TIMP3: variants seen among roughly 807,000 people sequenced by gnomAD.
TIMP3 encodes metalloproteinase inhibitor 3.
A neutral mutation model predicts 30.0 loss-of-function variants in TIMP3; 11 were observed. The ratio of observed to expected loss-of-function variants is 0.37; its 90% CI spans 0.23 to 0.61. The LOEUF (loss-of-function observed/expected upper bound fraction) is 0.61. Among genes scored for constraint, TIMP3 ranks in the 20% least tolerant of loss-of-function variants. The pLI is 0.70. For synonymous variants in TIMP3, 112 were observed against 111.3 expected, an observed-to-expected ratio of 1.01 and a Z score of -0.04; for missense variants, 181 against 276.8, an observed-to-expected ratio of 0.65 and a Z score of 2.45.
At chr22:32,847,015 C>G (rs1281940764) in intron 1 of TIMP3, among the ~76,000 whole-genome samples, 1 of 152,198 alleles carries the variant, frequency 6.6e-6, no homozygotes, top group Non-Finnish European at 1.5e-5. Context: ...CTGTCTAAAT[C>G]AAGTCAAGCC....
intron 3 of TIMP3, among the ~76,000 whole-genome samples, chr22:32,857,666 C>T (rs1043633007): frequency 5.9e-5 from 9 of 152,084 alleles, no homozygotes; most frequent in Non-Finnish European, 7.3e-5. Flanking sequence ...CCTGTTAGGC[C>T]CGTCTTTGAA....
Position 32,861,324 on chromosome 22 carries a change from C to T in TIMP3, c.*1947C>T, listed in dbSNP as rs936029872. The T allele has an allele frequency of 6.6e-6, 1 of 152,270 alleles. No homozygotes were observed. Among genetic ancestry groups the T allele is most frequent in the African/African-American group, 2.4e-5 (1 of 41,444 alleles). The allele number at this position is 152,270 out of a possible 1,614,324, so 9.4% of individuals were successfully genotyped here. On this transcript the variant is annotated 3_prime_UTR_variant, in exon 5 of 5. Transcript: ENST00000266085. ...CAATTTCATTACCGTGTACCTTTCC[C>T]ATTGTGGTCATGCCATTTGGCAGGG... is the stretch of plus-strand genomic sequence containing the variant.
At chr22:32,834,135 T>C (rs2047660301) in intron 1 of TIMP3, among the ~76,000 whole-genome samples, 1 of 151,992 alleles carries the variant, frequency 6.6e-6, no homozygotes, top group Non-Finnish European at 1.5e-5. Context: ...GGAGGTGTGC[T>C]TCAGGGACTA....
At chr22:32,825,505 A>C (rs2146090602) in intron 1 of TIMP3, among the ~76,000 whole-genome samples, 1 of 151,900 alleles carries the variant, frequency 6.6e-6, no homozygotes, top group East Asian at 1.9e-4. Flanking sequence ...CTAAAAATAC[A>C]AAAATTAGCT....
chr22:32,805,668 C>A (rs130269), intron 1 of TIMP3, among the ~76,000 whole-genome samples: 1 of 149,548 alleles, frequency 6.7e-6, no homozygotes, highest in Non-Finnish European at 1.5e-5. Context: ...GTATTGCACC[C>A]ATTTTTCAGA....
chr22:32,817,217 CAA>C (rs130285), intron 1 of TIMP3, among the ~76,000 whole-genome samples: 25 of 144,716 alleles, frequency 1.7e-4, no homozygotes, highest in East Asian at 8.0e-4. Context: ...GACTCTATCT[CAA>C]AAAAAAAAAA....
chr22:32,807,511 C>T (rs2046797065), intron 1 of TIMP3, among the ~76,000 whole-genome samples: 1 of 144,842 alleles, frequency 6.9e-6, no homozygotes, highest in Non-Finnish European at 1.5e-5. Context: ...TACTATGTGC[C>T]AGGCATTATT....
Position 32,804,246 on chromosome 22 carries a change from T to C in TIMP3, c.121+2124T>C, listed in dbSNP as rs552120272. 2.6e-5 allele frequency among the ~76,000 whole-genome samples: 4 copies of C among 152,334 alleles called. No homozygotes were observed. The East Asian group carries it at 7.7e-4, about 29-fold the overall frequency. On this transcript the variant is annotated intron_variant, in intron 1 of 4. Transcript: ENST00000266085. ...TGCACTAGTGGCAGGGATGAGCTAATGCTTTTAAAATGGGAGGTGTGGGTG... is the reference window on the plus strand; with the variant it reads ...TGCACTAGTGGCAGGGATGAGCTAACGCTTTTAAAATGGGAGGTGTGGGTG...
intron 1 of TIMP3, among the ~76,000 whole-genome samples, chr22:32,844,779 T>C (rs992185591): frequency 2.0e-5 from 3 of 151,944 alleles, no homozygotes; most frequent in Admixed American, 1.3e-4. Context: ...GCATGAGATA[T>C]AGCTCACTGT....
At chr22:32,819,376 G>A (rs1175581008) in intron 1 of TIMP3, among the ~76,000 whole-genome samples, 1 of 152,196 alleles carries the variant, frequency 6.6e-6, no homozygotes, top group Non-Finnish European at 1.5e-5. Context: ...GGCCCAGCCC[G>A]GCCCCATATT....
At position 32,860,493 on chromosome 22, in the gene TIMP3, G is replaced by A. The variant is rs987693825; in HGVS notation, c.*1116G>A. The A allele has an allele frequency of 2.0e-5, 3 of 152,462 alleles. No homozygotes were observed. Among genetic ancestry groups the A allele is most frequent in the South Asian group, 2.1e-4 (1 of 4,806 alleles). The allele number at this position is 152,462 out of a possible 1,614,324, so 9.4% of individuals were successfully genotyped here. On this transcript the variant is annotated 3_prime_UTR_variant, in exon 5 of 5. Transcript: ENST00000266085. Reference sequence around the variant, plus strand: ...GTTTAATCTCTTCTATTTTGTTGTCGTTGCTTGTTTGAAGAAAATCATGAC... The same window carrying A: ...GTTTAATCTCTTCTATTTTGTTGTCATTGCTTGTTTGAAGAAAATCATGAC...
At chr22:32,851,701 A>G (rs1054148101) in intron 2 of TIMP3, among the ~76,000 whole-genome samples, 3 of 152,232 alleles carry the variant, frequency 2.0e-5, no homozygotes, top group African/African-American at 4.8e-5. Context: ...AAGCTGAGGC[A>G]TCGGAATTTC....
chr22:32,814,316 AC>A (rs1204224711), intron 1 of TIMP3, among the ~76,000 whole-genome samples: 1 of 5,396 alleles, frequency 1.9e-4, no homozygotes, highest in African/African-American at 5.4e-4. Flanking sequence ...AGAGAGAGAG[AC>A]AGAAAGAAAG....
At chr22:32,810,244 T>G (rs2046880642) in intron 1 of TIMP3, among the ~76,000 whole-genome samples, 2 of 152,212 alleles carry the variant, frequency 1.3e-5, no homozygotes, top group South Asian at 4.1e-4. Context: ...GAACCTTTCC[T>G]GACCCATTTA....
intron 1 of TIMP3, among the ~76,000 whole-genome samples, chr22:32,843,201 T>C (rs908294848): frequency 6.6e-6 from 1 of 152,178 alleles, no homozygotes; most frequent in Non-Finnish European, 1.5e-5. Flanking sequence ...CAGCTTGCCA[T>C]GAGGACAGAG....
intron 1 of TIMP3, among the ~76,000 whole-genome samples, chr22:32,817,038 T>G (rs2047104193): frequency 6.8e-6 from 1 of 147,592 alleles, no homozygotes; most frequent in Non-Finnish European, 1.5e-5. Flanking sequence ...GGTCACATAG[T>G]AAGATTCCCT....
rs763707782 is a variant in TIMP3 at position 32,822,922 on chromosome 22, ACAAC to A, written c.121+20801_121+20804del. Among the ~76,000 whole-genome samples the A allele has an allele frequency of 1.5e-3, 33 of 22,092 alleles. No individual in the cohort carries two copies. The East Asian group carries it at 0.016, about 11-fold the overall frequency. The allele number at this position is 22,092 out of a possible 152,430, so 14.5% of individuals were successfully genotyped here. A position where few individuals can be genotyped will look rare whatever the true frequency, so the allele number is the denominator to read the frequency against. On this transcript the variant is annotated intron_variant, in intron 1 of 4. Transcript: ENST00000266085. Reference sequence around the variant, plus strand: ...CAATTTGTTAAAAACAACAACAACAACAACAACAAAAAAAAAACAGAGAGAGAGA... The same window carrying A: ...CAATTTGTTAAAAACAACAACAACAAAACAAAAAAAAAACAGAGAGAGAGA...
intron 1 of TIMP3, among the ~76,000 whole-genome samples, chr22:32,813,707 T>C (rs953087811): frequency 2.6e-5 from 4 of 152,110 alleles, no homozygotes; most frequent in African/African-American, 9.7e-5. Flanking sequence ...TCCCACACTT[T>C]CTGAGCTGGA....
rs907452870 is a variant in TIMP3 at position 32,862,771 on chromosome 22, C to G, written c.*3394C>G. ...GTTTTTGCTTTGGGGGTAGAGGCTTCTTAGATTCTCCCAGCATCCGCCTTT... is the reference window on the plus strand; with the variant it reads ...GTTTTTGCTTTGGGGGTAGAGGCTTGTTAGATTCTCCCAGCATCCGCCTTT... On this transcript the variant is annotated 3_prime_UTR_variant, in exon 5 of 5. Transcript: ENST00000266085. The G allele has an allele frequency of 2.6e-5, 4 of 152,582 alleles. No homozygotes were observed. The highest frequency in any genetic ancestry group is 5.9e-5 in the Non-Finnish European group (4 of 68,038). 9.5% of individuals were successfully genotyped at this position (152,582 alleles called of 1,614,324 possible).
Sources: gnomAD v4.1 joint callset for allele counts (sites outside exome capture counted in the v4.1 genomes callset) on GRCh38, gnomAD v4.1.1 for gene constraint, MANE v1.5 for transcripts, NCBI Gene and HGNC (gene_info 2026-07-23, HGNC 2026-07-21) for gene names.